The following MUTYH variants were observed in gnomAD, a reference collection of about 807,000 sequenced individuals.
The protein encoded by MUTYH is adenine DNA glycosylase.
Under a neutral mutation model 72.9 loss-of-function variants are expected in MUTYH, and 64 were observed. The ratio of observed to expected loss-of-function variants is 0.88; its 90% CI spans 0.72 to 1.08. The LOEUF (loss-of-function observed/expected upper bound fraction) is 1.08. MUTYH is among the 50% of genes least tolerant of loss of function. MUTYH has a pLI of 0.00. For missense variants in MUTYH, 633 were observed against 671.0 expected (o/e 0.94, Z 0.63); for synonymous variants, 234 against 263.1 (o/e 0.89, Z 1.07).
rs767805597 is a variant in MUTYH, at chr1:45,332,187, G to C, written c.828C>G (p.Ser276Arg). Residue 276 changes from serine to arginine, a missense_variant, in exon 10 of 16, where the codon AGC becomes AGG. By Grantham distance (110) the Ser-to-Arg change is moderately radical (BLOSUM62 -1). Coordinates refer to ENST00000456914, the MANE Select transcript of MUTYH (RefSeq NM_001048174.2). ...RPLCSQCPVE[S>R]LCRARQRVEQ... ...TTACTCTCTGGCGTGCCCGGCACAG[G>C]CTCTCCACAGGGCACTGGCTGCACA... is the stretch of plus-strand genomic sequence containing the variant. 1.4e-5 allele frequency: 23 copies of C among 1,614,072 alleles called. No individual in the cohort carries two copies. The highest frequency in any genetic ancestry group is 1.9e-5 in the Non-Finnish European group (23 of 1,180,028).
intron 12 of MUTYH, 52 bp downstream of exon 12, chr1:45,331,609 C>T (rs1644877877): frequency 6.2e-7 from 1 of 1,613,418 alleles, no homozygotes; most frequent in South Asian, 1.1e-5. Flanking sequence ...CGATTCCCTC[C>T]ATTCTCTCTT....
In MUTYH at chr1:45,334,470, G is replaced by A. The variant is rs776396492; in HGVS notation, c.36C>T (p.His12=). 5.0e-6 allele frequency: 8 copies of A among 1,613,960 alleles called. No individual in the cohort carries two copies. The highest frequency in any genetic ancestry group is 4.5e-5 in the East Asian group (2 of 44,888). ...RKPRAAVGSG[H]RKQAASQEGR... is the part of the protein sequence containing the mutation. ...CTTCCTGGCTGGCTGCCTGCTTCCTGTGACCACTTCCCACGGCTGCTCGTG... is the reference window on the plus strand; with the variant it reads ...CTTCCTGGCTGGCTGCCTGCTTCCTATGACCACTTCCCACGGCTGCTCGTG... Residue 12 remains histidine, a synonymous_variant, in exon 2 of 16, where the codon CAC becomes CAT. Transcript: ENST00000456914.
intron 1 of MUTYH, 97 bp downstream of exon 1, chr1:45,339,802 C>CCT: frequency 1.6e-6 from 2 of 1,287,920 alleles, no homozygotes; most frequent in Non-Finnish European, 2.1e-6. Context: ...CCCACACGAC[C>CCT]CTCTCCTAGT....
In MUTYH at chr1:45,330,531, C is replaced by A; in HGVS notation, c.1419G>T (p.Gln473His). 6.2e-7 allele frequency: 1 copy of A among 1,609,764 alleles called. No individual in the cohort carries two copies. Among genetic ancestry groups the A allele is most frequent in the Non-Finnish European group, 8.5e-7 (1 of 1,177,848 alleles). The stretch of plus-strand genomic sequence containing the variant: ...GGAGACTTACCATACAGGTCCCTGG[C>A]TGTTGGCCCTGATACACACGGAAAA... The part of the protein sequence containing the change: ...KKVFRVYQGQ[Q>H]PGTCMGSKRS... Residue 473 changes from glutamine (Q) to histidine (H), a missense_variant, in exon 15 of 16, where the codon CAG becomes CAT. Physicochemically the swap from Gln to His is conservative, Grantham distance 24 (BLOSUM62 0). Transcript: ENST00000456914.
At position 45,332,082 on chromosome 1, in the gene MUTYH, T is replaced by C; in HGVS notation, c.854A>G (p.Glu285Gly). The C allele has an allele frequency of 6.2e-7, 1 of 1,614,182 alleles. No individual in the cohort carries two copies. Among genetic ancestry groups the C allele is most frequent in the Non-Finnish European group, 8.5e-7 (1 of 1,180,022 alleles). ...ESLCRARQRV[E>G]QEQLLASGSL... Reference sequence around the variant, plus strand: ...CCCTGAGGCTAAGAGCTGTTCCTGCTCCACCTGAGAGGCACAGGGTTGAGT... The same window carrying C: ...CCCTGAGGCTAAGAGCTGTTCCTGCCCCACCTGAGAGGCACAGGGTTGAGT... Residue 285 changes from glutamate to glycine, a missense_variant, in exon 11 of 16, where the codon GAG becomes GGG. Coordinates refer to ENST00000456914, the MANE Select transcript of MUTYH (RefSeq NM_001048174.2).
intron 1 of MUTYH, 184 bp downstream of exon 1, chr1:45,339,715 C>T (rs1646653884): frequency 1.3e-6 from 1 of 794,548 alleles, no homozygotes; most frequent in Non-Finnish European, 1.9e-6. Flanking sequence ...CACTCCCCGC[C>T]TCTTTCACTT....
At chr1:45,331,926 G>C in intron 11 of MUTYH, 77 bp from the exon 12 acceptor site, 2 of 1,611,634 alleles carry the variant, frequency 1.2e-6, no homozygotes, top group Non-Finnish European at 1.7e-6. Flanking sequence ...GCTTTGGCCG[G>C]GTTCTGCAGA....
At position 45,332,230 on chromosome 1, in the gene MUTYH, C is replaced by T. The variant is rs1064795466; in HGVS notation, c.785G>A (p.Cys262Tyr). Residue 262 changes from cysteine (C) to tyrosine (Y), a missense_variant, in exon 10 of 16, where the codon TGT becomes TAT. Cys to Tyr is a radical substitution (Grantham distance 194, BLOSUM62 -2). Coordinates refer to ENST00000456914, the MANE Select transcript of MUTYH (RefSeq NM_001048174.2). ...GCTGCACAGTGGGCGCTGTGGGGTA[C>T]ACACTGTGGCCCCTAGCTCCATGGC... ...QAAMELGATVCTPQRPLCSQC... is the reference protein window; with the variant it reads ...QAAMELGATVYTPQRPLCSQC... The T allele has an allele frequency of 1.9e-6, 3 of 1,614,170 alleles. No homozygotes were observed. Among genetic ancestry groups the T allele is most frequent in the Non-Finnish European group, 2.5e-6 (3 of 1,180,006 alleles).
upstream of MUTYH, chr1:45,340,182 G>C: frequency 6.2e-6 from 10 of 1,612,592 alleles, no homozygotes; most frequent in Non-Finnish European, 8.5e-6. Flanking sequence ...CCGACTGCCT[G>C]AACCGCGCCA....
intron 15 of MUTYH, 42 bp downstream of exon 15, chr1:45,330,474 A>C: frequency 6.3e-7 from 1 of 1,589,972 alleles, no homozygotes; most frequent in Non-Finnish European, 8.6e-7. Context: ...CTATGGACTC[A>C]GGCCTGGGGA....
chr1:45,332,187 G>A lies in MUTYH; in HGVS notation c.828C>T (p.Ser276=), dbSNP rs767805597. 1 of 1,614,190 alleles carries A rather than the reference G, an allele frequency of 6.2e-7. No individual in the cohort carries two copies. The highest frequency in any genetic ancestry group is 2.2e-5 in the East Asian group (1 of 44,880). The change falls in exon 10 of 16, where the codon AGC becomes AGT. Residue 276 remains serine, a synonymous_variant. Coordinates refer to ENST00000456914, the MANE Select transcript of MUTYH (RefSeq NM_001048174.2). ...TTACTCTCTGGCGTGCCCGGCACAG[G>A]CTCTCCACAGGGCACTGGCTGCACA... is the stretch of plus-strand genomic sequence containing the variant. The part of the protein sequence containing the change: ...RPLCSQCPVE[S]LCRARQRVEQ...
Position 45,332,633 on chromosome 1 carries a change from G to A in MUTYH, c.547C>T (p.Leu183Phe), listed in dbSNP as rs876660154. The change falls in exon 8 of 16, where the codon CTC (leucine) becomes TTC (phenylalanine). Residue 183 changes from leucine (L) to phenylalanine (F), a missense_variant. Leu to Phe is a conservative substitution (Grantham distance 22, BLOSUM62 0). Transcript: ENST00000456914. The part of the protein sequence containing the change: ...MPRTAETLQQ[L>F]LPGVGRYTAG... ...GTGTAGCGCCCCACGCCAGGCAGGAGCTGCTGCAGGGTCTCTGCTGTACGT... is the reference window on the plus strand; with the variant it reads ...GTGTAGCGCCCCACGCCAGGCAGGAACTGCTGCAGGGTCTCTGCTGTACGT... The A allele has an allele frequency of 1.1e-5, 17 of 1,614,072 alleles. No homozygotes were observed. The highest frequency in any genetic ancestry group is 1.4e-5 in the Non-Finnish European group (17 of 1,180,034).
chr1:45,330,603 G>A (rs1430597059), intron 14 of MUTYH, 46 bp from the exon 15 acceptor site: 21 of 1,574,108 alleles, frequency 1.3e-5, no homozygotes, highest in Non-Finnish European at 1.8e-5. Context: ...TTTTGCAAAA[G>A]AGATAAACCG....
At chr1:45,330,880 T>C (rs1644698039) in intron 14 of MUTYH, among the ~76,000 whole-genome samples, 1 of 151,202 alleles carries the variant, frequency 6.6e-6, no homozygotes, top group Admixed American at 6.6e-5. Context: ...AGGTCAAGAG[T>C]TGGAGACCAG....
At chr1:45,330,230 A>C (rs1644554094) in intron 15 of MUTYH, among the ~76,000 whole-genome samples, 1 of 11,914 alleles carries the variant, frequency 8.4e-5, no homozygotes, top group Admixed American at 1.3e-3. Context: ...GACTGTCTCA[A>C]AAAAAAAAAA....
At chr1:45,330,580 G>A (rs1644639472) in intron 14 of MUTYH, 23 bp from the exon 15 acceptor site, 1 of 1,603,176 alleles carries the variant, frequency 6.2e-7, no homozygotes. Flanking sequence ...ACAGGGAGGT[G>A]AGGGCTGGCA....
At chr1:45,339,138 A>G (rs916144711) in intron 1 of MUTYH, among the ~76,000 whole-genome samples, 3 of 151,736 alleles carry the variant, frequency 2.0e-5, no homozygotes, top group African/African-American at 2.4e-5. Context: ...TGAGTAACAA[A>G]GGAGCACTGG....
chr1:45,340,376 T>A, upstream of MUTYH: 1 of 1,556,454 alleles, frequency 6.4e-7, no homozygotes, highest in African/African-American at 1.4e-5. Context: ...GGGCTCATAG[T>A]TCTAGAGGCT....
chr1:45,339,942 C>T lies in MUTYH; in HGVS notation c.-50G>A. ...AAGACAGCAGAACACGGAGGCCCCG[C>T]GTTCCCGCCGCGAGAGCAGGAGAGA... is the stretch of plus-strand genomic sequence containing the variant. On this transcript the variant is annotated 5_prime_UTR_variant, in exon 1 of 16. Transcript: ENST00000456914. 1 of 1,478,538 alleles carries T rather than the reference C, an allele frequency of 6.8e-7. No individual in the cohort carries two copies. Among genetic ancestry groups the T allele is most frequent in the Non-Finnish European group, 9.1e-7 (1 of 1,100,858 alleles). The allele number at this position is 1,478,538 out of a possible 1,614,324, so 91.6% of individuals were successfully genotyped here. A position where few individuals can be genotyped will look rare whatever the true frequency, so the allele number is the denominator to read the frequency against.
Sources: allele counts gnomAD v4.1 joint callset (sites outside exome capture counted in the v4.1 genomes callset), GRCh38; gene constraint gnomAD v4.1.1; transcripts MANE v1.5; gene names NCBI Gene and HGNC (gene_info 2026-07-23, HGNC 2026-07-21).